CYRIB: variants seen among roughly 807,000 people sequenced by gnomAD.
The protein encoded by CYRIB is CYFIP-related Rac1 interactor B.
In CYRIB, 8 loss-of-function variants were observed where a neutral mutation model predicts 44.2. That is an observed-to-expected ratio of 0.18 (90% CI 0.11 to 0.33). The LOEUF (loss-of-function observed/expected upper bound fraction) is 0.33. Ranked by LOEUF, CYRIB falls within the 10% of genes least tolerant of loss-of-function variation. CYRIB has a pLI of 1.00. For synonymous variants in CYRIB, 131 were observed against 127.2 expected (o/e 1.03, Z -0.20); for missense variants, 185 against 382.8 (o/e 0.48, Z 4.31).
chr8:129,886,085 C>T (rs1014070552), intron 2 of CYRIB, among the ~76,000 whole-genome samples: 3 of 152,218 alleles, frequency 2.0e-5, no homozygotes, highest in African/African-American at 7.2e-5. Context: ...GTGCCCTCTA[C>T]TACAACATCA....
intron 2 of CYRIB, among the ~76,000 whole-genome samples, chr8:129,884,220 T>C (rs2061842593): frequency 6.6e-6 from 1 of 152,178 alleles, no homozygotes; most frequent in Non-Finnish European, 1.5e-5. Flanking sequence ...ATTTCTGCCA[T>C]CTAAAGGAGA....
Position 129,871,507 on chromosome 8 carries a change from G to A in CYRIB, c.74-11C>T, listed in dbSNP as rs749338127. ...CTGTAGGCTGGGCATCTAAACAGCA[G>A]GAAAGCACAAGAAAATTTACAGTGA... On this transcript the variant is annotated splice_polypyrimidine_tract_variant and intron_variant, in intron 3 of 11. Transcript: ENST00000519824. The A allele has an allele frequency of 5.0e-6, 8 of 1,602,442 alleles. No individual in the cohort carries two copies. In the Admixed American group the frequency reaches 5.2e-5, roughly 10 times the overall value.
At chr8:130,007,910 G>A (rs1372401344) in intron 1 of CYRIB, among the ~76,000 whole-genome samples, 2 of 150,114 alleles carry the variant, frequency 1.3e-5, no homozygotes, top group African/African-American at 4.9e-5. Context: ...TGGGAGCCCT[G>A]TTAAGAGGGG....
intron 4 of CYRIB, among the ~76,000 whole-genome samples, chr8:129,870,669 G>A (rs77923867): frequency 0.018 from 2,689 of 152,262 alleles, 92 homozygotes; most frequent in African/African-American, 0.061. Flanking sequence ...CAGAGGATGG[G>A]AAGAATCAAG....
upstream of CYRIB, chr8:129,939,873 CGGACCTGTCCGGCCGT>C (rs2093514028): frequency 6.6e-6 from 1 of 152,352 alleles, no homozygotes; most frequent in African/African-American, 2.4e-5. Context: ...GAGGGCGCCG[CGGACCTGTCCGGCCGT>C]GCGCATGCGC....
At chr8:129,970,009 T>C (rs897194397) in intron 2 of CYRIB, among the ~76,000 whole-genome samples, 2 of 152,150 alleles carry the variant, frequency 1.3e-5, no homozygotes, top group African/African-American at 4.8e-5. Context: ...GTCAGAATAG[T>C]GCTTATCTCT....
intron 2 of CYRIB, among the ~76,000 whole-genome samples, chr8:129,884,071 T>A (rs944202747): frequency 6.6e-6 from 1 of 152,008 alleles, no homozygotes; most frequent in African/African-American, 2.4e-5. Flanking sequence ...TCTCAAAGAG[T>A]GTCCTGGAGT....
chr8:129,960,691 C>A (rs932104538), intron 2 of CYRIB, among the ~76,000 whole-genome samples: 1 of 143,694 alleles, frequency 7.0e-6, no homozygotes, highest in Non-Finnish European at 1.5e-5. Flanking sequence ...GTGGCTCATG[C>A]CTGTAATCCC....
At chr8:129,841,064 T>TA in exon 12 of CYRIB, 1 of 152,344 alleles carries the variant, frequency 6.6e-6, no homozygotes, top group South Asian at 2.1e-4. Context: ...GTTAGTTTTC[T>TA]ACCACTAGTG....
At chr8:129,869,953 G>A (rs2133130845) in intron 4 of CYRIB, among the ~76,000 whole-genome samples, 1 of 151,240 alleles carries the variant, frequency 6.6e-6, no homozygotes, top group Admixed American at 6.6e-5. Context: ...AAAAGAGTAA[G>A]AGGAAGTAGG....
At chr8:129,969,881 T>C (rs945506332) in intron 2 of CYRIB, among the ~76,000 whole-genome samples, 2 of 152,112 alleles carry the variant, frequency 1.3e-5, no homozygotes, top group Non-Finnish European at 2.9e-5. Context: ...GAGACGCCCA[T>C]TGGGTGGAAT....
At position 129,841,999 on chromosome 8, in the gene CYRIB, G is replaced by C. The variant is rs533224480; in HGVS notation, c.*143C>G. On this transcript the variant is annotated 3_prime_UTR_variant, in exon 12 of 12. Coordinates refer to ENST00000519824, the Ensembl canonical transcript of CYRIB. ...CACAGAAAAGAAGTCTTAAGAACAT[G>C]ATTAAAAAAGAGGGAAGAGGAACAG... 4.7e-6 allele frequency: 3 copies of C among 635,894 alleles called. No homozygotes were observed. In the South Asian group the frequency reaches 6.1e-5, roughly 13 times the overall value. The allele number at this position is 635,894 out of a possible 1,614,324, so 39.4% of individuals were successfully genotyped here.
rs200022323 is a variant in CYRIB, at chr8:129,894,926, TA to T, written c.-11+8385del. ...TGAGTGTTAGAAATATATATATATA[TA>T]TATTTTTTTAATTAATTTATTTTTT... On this transcript the variant is annotated intron_variant, in intron 2 of 11. Transcript: ENST00000519824. 2.5e-3 allele frequency among the ~76,000 whole-genome samples: 378 copies of T among 148,582 alleles called. 2 individuals are homozygous for T. Among genetic ancestry groups the T allele is most frequent in the African/African-American group, 8.5e-3 (343 of 40,468 alleles).
intron 1 of CYRIB, among the ~76,000 whole-genome samples, chr8:129,925,262 G>A (rs2086818929): frequency 1.3e-5 from 2 of 152,168 alleles, no homozygotes; most frequent in Admixed American, 1.3e-4. Flanking sequence ...GCCGGGCATG[G>A]TGGTGTGTAC....
intron 2 of CYRIB, chr8:129,896,997 T>C (rs2068412329): frequency 6.6e-6 from 1 of 152,230 alleles, no homozygotes; most frequent in South Asian, 2.1e-4. Flanking sequence ...AGATAAGGTA[T>C]TCTCTGAAGT....
At chr8:129,848,735 A>ATT (rs1191521309) in intron 10 of CYRIB, among the ~76,000 whole-genome samples, 2,237 of 141,298 alleles carry the variant, frequency 0.016, 53 homozygotes, top group African/African-American at 0.052. Flanking sequence ...CACCTGGCTA[A>ATT]TTTTTTTTTT....
rs913034145 is a variant in CYRIB, at chr8:129,956,871, C to T, written c.-243+14072G>A. 2.5e-5 allele frequency among the ~76,000 whole-genome samples: 3 copies of T among 121,626 alleles called. No homozygotes were observed. In the Admixed American group the frequency reaches 3.1e-4, roughly 13 times the overall value. The allele number at this position is 121,626 out of a possible 152,430, so 79.8% of individuals were successfully genotyped here. A position where few individuals can be genotyped will look rare whatever the true frequency, so the allele number is the denominator to read the frequency against. The stretch of plus-strand genomic sequence containing the variant: ...TTCTTTCTTTCTTTCTTGGCTCTTG[C>T]TCTGTCACCCAGGCTGGAGTGCAGT... On this transcript the variant is annotated intron_variant, in intron 2 of 14. Transcript: ENST00000401979.
chr8:129,847,776 G>C (rs1408868769), intron 10 of CYRIB, among the ~76,000 whole-genome samples: 1 of 152,198 alleles, frequency 6.6e-6, no homozygotes, highest in Non-Finnish European at 1.5e-5. Context: ...TTGGAAGCCA[G>C]AGAAATGTGG....
chr8:129,875,529 A>AT (rs1307176875), intron 3 of CYRIB, among the ~76,000 whole-genome samples: 2 of 152,134 alleles, frequency 1.3e-5, no homozygotes, highest in Non-Finnish European at 2.9e-5. Flanking sequence ...TGCTTTTTAT[A>AT]TGCTGTCAAT....
Sources: allele counts gnomAD v4.1 joint callset (sites outside exome capture counted in the v4.1 genomes callset), GRCh38; gene constraint gnomAD v4.1.1; transcripts MANE v1.5; gene names NCBI Gene and HGNC (gene_info 2026-07-23, HGNC 2026-07-21).